Variants in LTBP1 observed in about 807,000 individuals in gnomAD.
LTBP1 encodes the protein latent-transforming growth factor beta-binding protein 1.
A neutral mutation model predicts 207.6 loss-of-function variants in LTBP1; 129 were observed. That is an observed-to-expected ratio of 0.62 (90% confidence interval 0.54 to 0.72). The LOEUF (loss-of-function observed/expected upper bound fraction) is 0.72. Ranked by LOEUF, LTBP1 falls within the 30% of genes least tolerant of loss-of-function variation. The pLI, the probability that LTBP1 is intolerant of heterozygous loss-of-function variation, is 0.00. For synonymous variants in LTBP1, 963 were observed against 833.7 expected (o/e 1.16, Z -2.67); for missense variants, 2,281 against 2,217.2 (o/e 1.03, Z -0.58).
intron 9 of LTBP1, among the ~76,000 whole-genome samples, chr2:33,233,841 CT>C (rs945445794): frequency 1.2e-3 from 181 of 151,518 alleles, no homozygotes; most frequent in African/African-American, 2.0e-3. Context: ...ATTTTGCTAA[CT>C]TTTTTTTTAT....
At chr2:33,005,674 C>A (rs1686755624) in intron 2 of LTBP1, among the ~76,000 whole-genome samples, 1 of 150,118 alleles carries the variant, frequency 6.7e-6, no homozygotes, top group South Asian at 2.1e-4. Context: ...GCAACCTCCG[C>A]TTCCCAGGCT....
chr2:33,081,982 C>G (rs2078438702), intron 3 of LTBP1, among the ~76,000 whole-genome samples: 1 of 152,130 alleles, frequency 6.6e-6, no homozygotes, highest in African/African-American at 2.4e-5. Context: ...GTCAATTAAA[C>G]TTTTTTTCTT....
chr2:33,142,302 G>A (rs571891657), intron 5 of LTBP1, among the ~76,000 whole-genome samples: 4 of 152,112 alleles, frequency 2.6e-5, no homozygotes, highest in South Asian at 4.2e-4. Flanking sequence ...TGATCCGCCC[G>A]CCTCGGCCTC....
chr2:32,956,776 C>G (rs1678140640), intron 2 of LTBP1, among the ~76,000 whole-genome samples: 1 of 151,960 alleles, frequency 6.6e-6, no homozygotes, highest in African/African-American at 2.4e-5. Flanking sequence ...CTATCTATGA[C>G]AGCTATAGCC....
intron 26 of LTBP1, among the ~76,000 whole-genome samples, chr2:33,354,500 G>A (rs888951835): frequency 1.3e-5 from 2 of 151,978 alleles, no homozygotes; most frequent in African/African-American, 4.8e-5. Context: ...ATCTAGTCAA[G>A]TTTCTTCCCA....
At chr2:33,302,890 C>A (rs1233536282) in intron 22 of LTBP1, among the ~76,000 whole-genome samples, 2 of 151,724 alleles carry the variant, frequency 1.3e-5, no homozygotes, top group Non-Finnish European at 2.9e-5. Flanking sequence ...TGCTGAAACC[C>A]CGTCTCTACT....
Position 33,062,662 on chromosome 2 carries a change from A to G in LTBP1, c.863+41456A>G, listed in dbSNP as rs1023579686. Among the ~76,000 whole-genome samples, 3 of 152,156 alleles carry G rather than the reference A, an allele frequency of 2.0e-5. No individual in the cohort carries two copies. The South Asian group carries it at 6.2e-4, about 32-fold the overall frequency. ...CAGCTATTCTGTTGATCTGTTGTTG[A>G]TCCTTATGCTAGTACAGTAATCGCC... On this transcript the variant is annotated intron_variant, in intron 3 of 33. Transcript: ENST00000404816.
At chr2:33,026,596 GAGGT>G (rs2075426106) in intron 3 of LTBP1, among the ~76,000 whole-genome samples, 1 of 152,118 alleles carries the variant, frequency 6.6e-6, no homozygotes, top group Non-Finnish European at 1.5e-5. Context: ...ACGAGTCTGT[GAGGT>G]AGTTGAAGGT....
At chr2:33,333,204 G>A (rs1313545584) in intron 24 of LTBP1, among the ~76,000 whole-genome samples, 1 of 151,736 alleles carries the variant, frequency 6.6e-6, no homozygotes, top group Non-Finnish European at 1.5e-5. Context: ...TTTTTAAAAA[G>A]CAGTGCAAAA....
At chr2:33,236,051 T>C (rs145887911) in intron 9 of LTBP1, among the ~76,000 whole-genome samples, 10 of 152,246 alleles carry the variant, frequency 6.6e-5, no homozygotes, top group African/African-American at 2.4e-4. Context: ...TTAAATATAA[T>C]TTTTAAAAAA....
intron 3 of LTBP1, 49 bp downstream of exon 3, chr2:33,021,255 C>A (rs1351356720): frequency 6.7e-7 from 1 of 1,486,510 alleles, no homozygotes; most frequent in Admixed American, 2.0e-5. Flanking sequence ...TAATTACTCT[C>A]TTGGATGCCT....
At chr2:33,225,346 G>A (rs902808813) in intron 9 of LTBP1, among the ~76,000 whole-genome samples, 5 of 152,092 alleles carry the variant, frequency 3.3e-5, no homozygotes, top group African/African-American at 1.2e-4. Context: ...GTATTAGTCC[G>A]TTTTCACACT....
At chr2:33,064,042 C>T (rs922613424) in intron 3 of LTBP1, among the ~76,000 whole-genome samples, 11 of 151,840 alleles carry the variant, frequency 7.2e-5, no homozygotes, top group African/African-American at 1.5e-4. Flanking sequence ...TTAGTTGAGA[C>T]GGGGTTTCAC....
At chr2:33,172,957 G>A (rs1163719427) in intron 5 of LTBP1, among the ~76,000 whole-genome samples, 12 of 151,892 alleles carry the variant, frequency 7.9e-5, no homozygotes, top group Admixed American at 5.9e-4. Context: ...TGAAACCAAC[G>A]AGAACAAAGA....
At chr2:33,326,414 C>A (rs2094427680) in intron 24 of LTBP1, among the ~76,000 whole-genome samples, 1 of 152,006 alleles carries the variant, frequency 6.6e-6, no homozygotes, top group African/African-American at 2.4e-5. Flanking sequence ...TGAAACAAAC[C>A]ACTTTCCCCA....
intron 3 of LTBP1, among the ~76,000 whole-genome samples, chr2:33,103,647 G>A (rs1434004748): frequency 6.9e-6 from 1 of 145,710 alleles, no homozygotes; most frequent in Non-Finnish European, 1.5e-5. Flanking sequence ...CTGCCATGTG[G>A]CATCTTCCTA....
At chr2:33,241,071 G>C (rs2092305876) in intron 9 of LTBP1, among the ~76,000 whole-genome samples, 1 of 152,144 alleles carries the variant, frequency 6.6e-6, no homozygotes, top group South Asian at 2.1e-4. Context: ...ATAGGAAACA[G>C]AAATCTAATC....
chr2:33,120,940 G>A (rs1023258167), intron 4 of LTBP1, among the ~76,000 whole-genome samples: 1 of 152,120 alleles, frequency 6.6e-6, no homozygotes, highest in African/African-American at 2.4e-5. Flanking sequence ...AGACTTACAT[G>A]CAGTTTCTTA....
chr2:33,363,240 T>G (rs1553517476), intron 28 of LTBP1, 150 bp from the exon 29 acceptor site: 1 of 726,344 alleles, frequency 1.4e-6, no homozygotes, highest in Non-Finnish European at 2.2e-6. Flanking sequence ...TAGGCCTTAT[T>G]TTAAGAAGGT....
Sources: allele counts gnomAD v4.1 joint callset (sites outside exome capture counted in the v4.1 genomes callset), GRCh38; gene constraint gnomAD v4.1.1; transcripts MANE v1.5; gene names NCBI Gene and HGNC (gene_info 2026-07-23, HGNC 2026-07-21).